The following CSMD1 variants were observed in gnomAD, a reference collection of about 807,000 sequenced individuals.
CSMD1 encodes CUB and Sushi multiple domains 1.
A neutral mutation model predicts 417.5 loss-of-function variants in CSMD1; 213 were observed. That is an observed-to-expected ratio of 0.51 (90% CI 0.46 to 0.57). The LOEUF (loss-of-function observed/expected upper bound fraction) is 0.57. CSMD1 is among the 20% of genes least tolerant of loss of function. The pLI, the probability that CSMD1 is intolerant of heterozygous loss-of-function variation, is 0.00. For synonymous variants in CSMD1, 2,862 were observed against 1,736.8 expected (o/e 1.65, Z -16.11); for missense variants, 6,923 against 4,529.7 (o/e 1.53, Z -15.17).
In CSMD1 at chr8:4,422,537, A is replaced by G. The variant is rs148260484; in HGVS notation, c.303-2472T>C. Among the ~76,000 whole-genome samples, 194 of 152,196 alleles carry G rather than the reference A, an allele frequency of 1.3e-3. 1 individual carries two copies. Among genetic ancestry groups the G allele is most frequent in the African/African-American group, 4.1e-3 (172 of 41,560 alleles). On this transcript the variant is annotated intron_variant, in intron 2 of 69. Transcript: ENST00000635120. The stretch of plus-strand genomic sequence containing the variant: ...AAAGACCATGTGAGCATGGAACAGG[A>G]AGGATGCTGTCTACAAGTCAGGAAG...
chr8:4,767,558 T>C (rs1231974725), intron 1 of CSMD1, among the ~76,000 whole-genome samples: 1 of 152,160 alleles, frequency 6.6e-6, no homozygotes, highest in Non-Finnish European at 1.5e-5. Flanking sequence ...CTGTGTGTTC[T>C]GGGGCCTCTC....
chr8:4,823,489 T>C (rs1799635800), intron 1 of CSMD1, among the ~76,000 whole-genome samples: 1 of 151,988 alleles, frequency 6.6e-6, no homozygotes, highest in Non-Finnish European at 1.5e-5. Context: ...TTCCATAGAA[T>C]AATGCATATA....
At chr8:4,939,332 G>A (rs553375296) in intron 1 of CSMD1, among the ~76,000 whole-genome samples, 1 of 152,164 alleles carries the variant, frequency 6.6e-6, no homozygotes, top group Admixed American at 6.5e-5. Flanking sequence ...ATATGTCGAG[G>A]CGGTATCTGC....
chr8:3,302,651 C>G (rs527253523), intron 25 of CSMD1, among the ~76,000 whole-genome samples: 2 of 152,266 alleles, frequency 1.3e-5, no homozygotes, highest in South Asian at 2.1e-4. Flanking sequence ...ATAGCAGGCA[C>G]CCTGTGAGCA....
At chr8:3,866,370 A>T (rs188874972) in intron 5 of CSMD1, among the ~76,000 whole-genome samples, 14 of 152,306 alleles carry the variant, frequency 9.2e-5, no homozygotes, top group Admixed American at 7.8e-4. Flanking sequence ...CAGAACATTC[A>T]TGTATTTCAT....
At chr8:4,865,638 A>G (rs1021150359) in intron 1 of CSMD1, among the ~76,000 whole-genome samples, 4 of 151,882 alleles carry the variant, frequency 2.6e-5, no homozygotes, top group Admixed American at 2.0e-4. Context: ...TCTAAGTACA[A>G]TGCACTTCAA....
At chr8:3,837,719 A>C (rs11776649) in intron 5 of CSMD1, among the ~76,000 whole-genome samples, 57,294 of 151,824 alleles carry the variant, frequency 0.38, 11,530 homozygotes, top group African/African-American at 0.52. Flanking sequence ...AGAACACATA[A>C]CTACCCTCTC....
intron 5 of CSMD1, among the ~76,000 whole-genome samples, chr8:3,847,368 T>C (rs1803578131): frequency 6.6e-6 from 1 of 151,992 alleles, no homozygotes; most frequent in East Asian, 1.9e-4. Context: ...GCAGAAGTGG[T>C]CCCCTCCTGC....
rs920740594 is a variant in CSMD1, at chr8:4,881,542, T to C, written c.85+112790A>G. Among the ~76,000 whole-genome samples, 182 of 151,818 alleles carry C rather than the reference T, an allele frequency of 1.2e-3. 3 individuals are homozygous for C. Among genetic ancestry groups the C allele is most frequent in the Admixed American group, 0.011 (162 of 15,244 alleles). ...CAGAAACTCGAAGTTAGTTTTTTTTTTTTTTTTTTATCTCATTTACGCCTC... is the reference window on the plus strand; with the variant it reads ...CAGAAACTCGAAGTTAGTTTTTTTTCTTTTTTTTTATCTCATTTACGCCTC... On this transcript the variant is annotated intron_variant, in intron 1 of 69. Coordinates refer to ENST00000635120, the MANE Select transcript of CSMD1 (RefSeq NM_033225.6).
At chr8:4,920,452 C>T (rs1010165046) in intron 1 of CSMD1, among the ~76,000 whole-genome samples, 14 of 152,120 alleles carry the variant, frequency 9.2e-5, no homozygotes, top group African/African-American at 3.1e-4. Context: ...GTTTTGAAAA[C>T]AAAAGTATAT....
chr8:4,062,596 A>G (rs1309586026), intron 3 of CSMD1, among the ~76,000 whole-genome samples: 1 of 152,202 alleles, frequency 6.6e-6, no homozygotes, highest in African/African-American at 2.4e-5. Context: ...GATACGTCCC[A>G]GATCTGATCT....
intron 2 of CSMD1, among the ~76,000 whole-genome samples, chr8:4,634,171 A>G (rs562714531): frequency 2.6e-5 from 4 of 152,242 alleles, no homozygotes; most frequent in Non-Finnish European, 4.4e-5. Flanking sequence ...CCCAAATCAT[A>G]TATGTATTGT....
chr8:4,064,922 C>G lies in CSMD1; in HGVS notation c.416-32823G>C, dbSNP rs141047059. 1.3e-3 allele frequency among the ~76,000 whole-genome samples: 166 copies of G among 131,458 alleles called. 3 individuals are homozygous for G. Among genetic ancestry groups the G allele is most frequent in the African/African-American group, 4.3e-3 (155 of 36,272 alleles). The allele number at this position is 131,458 out of a possible 152,430, so 86.2% of individuals were successfully genotyped here. A position where few individuals can be genotyped will look rare whatever the true frequency, so the allele number is the denominator to read the frequency against. ...TGGTCAATTCCATTGAGAATAGGAC[C>G]TAGGCTTAAAAAAAAAAACCTTACC... On this transcript the variant is annotated intron_variant, in intron 3 of 69. Coordinates refer to ENST00000635120, the MANE Select transcript of CSMD1 (RefSeq NM_033225.6).
intron 50 of CSMD1, among the ~76,000 whole-genome samples, chr8:3,032,855 C>T (rs1043917760): frequency 1.3e-5 from 2 of 152,026 alleles, no homozygotes; most frequent in African/African-American, 4.8e-5. Context: ...TTAAAAAACA[C>T]TGATCTCTTT....
At chr8:3,144,025 T>C (rs1416895834) in intron 40 of CSMD1, among the ~76,000 whole-genome samples, 1 of 152,204 alleles carries the variant, frequency 6.6e-6, no homozygotes, top group Non-Finnish European at 1.5e-5. Flanking sequence ...ATGGAGAAAC[T>C]TGGCAGGGAG....
intron 5 of CSMD1, among the ~76,000 whole-genome samples, chr8:3,906,746 T>C (rs1007227321): frequency 6.6e-6 from 1 of 152,148 alleles, no homozygotes; most frequent in Non-Finnish European, 1.5e-5. Context: ...TCTTTGATAC[T>C]GTAAATTCCT....
intron 5 of CSMD1, among the ~76,000 whole-genome samples, chr8:3,767,794 C>G (rs143832579): frequency 6.6e-6 from 1 of 152,138 alleles, no homozygotes; most frequent in African/African-American, 2.4e-5. Flanking sequence ...CATCTTCTCA[C>G]GTACACGGGC....
At chr8:4,124,204 G>C (rs1025151110) in intron 3 of CSMD1, among the ~76,000 whole-genome samples, 1 of 152,082 alleles carries the variant, frequency 6.6e-6, no homozygotes, top group African/African-American at 2.4e-5. Context: ...ACGACCAGGA[G>C]GAAGCTTCAG....
intron 1 of CSMD1, among the ~76,000 whole-genome samples, chr8:4,816,461 C>T (rs1440852451): frequency 5.3e-5 from 8 of 152,104 alleles, no homozygotes; most frequent in Admixed American, 5.2e-4. Flanking sequence ...CTCCTGACCT[C>T]AAGTGATCCA....
Sources: gnomAD v4.1 joint callset for allele counts (sites outside exome capture counted in the v4.1 genomes callset) on GRCh38, gnomAD v4.1.1 for gene constraint, MANE v1.5 for transcripts, NCBI Gene and HGNC (gene_info 2026-07-23, HGNC 2026-07-21) for gene names.